The following CCL25 variants were observed in gnomAD, a reference collection of about 807,000 sequenced individuals.
CCL25 encodes the protein C-C motif chemokine 25.
Under a neutral mutation model 19.9 loss-of-function variants are expected in CCL25, and 14 were observed. The observed-to-expected ratio is 0.70, with a 90% confidence interval of 0.47 to 1.10. The LOEUF (loss-of-function observed/expected upper bound fraction) is 1.10, where lower values mean the gene tolerates loss of function less well. Ranked by LOEUF, CCL25 falls within the 50% of genes least tolerant of loss-of-function variation. CCL25 has a pLI of 0.00. For missense variants in CCL25, 151 were observed against 181.2 expected, an observed-to-expected ratio of 0.83 and a Z score of 0.96; for synonymous variants, 68 against 73.2, an observed-to-expected ratio of 0.93 and a Z score of 0.36.
At chr19:8,058,497 A>G (rs1426495276) in intron 5 of CCL25, among the ~76,000 whole-genome samples, 1 of 108,316 alleles carries the variant, frequency 9.2e-6, no homozygotes, top group East Asian at 2.1e-4. Flanking sequence ...TATAATATAT[A>G]TAAGTAAATA....
chr19:8,058,937 C>T (rs1285197395), intron 5 of CCL25, among the ~76,000 whole-genome samples: 2 of 137,406 alleles, frequency 1.5e-5, no homozygotes, highest in East Asian at 2.0e-4. Flanking sequence ...AGATTACAGG[C>T]GTGAGCCACC....
chr19:8,060,109 A>T (rs2081307414), intron 5 of CCL25, among the ~76,000 whole-genome samples: 1 of 151,150 alleles, frequency 6.6e-6, no homozygotes, highest in Admixed American at 6.6e-5. Context: ...AATAAATAAT[A>T]AAAAAATTGA....
At chr19:8,053,256 G>A in intron 2 of CCL25, 134 bp downstream of exon 2, 1 of 538,300 alleles carries the variant, frequency 1.9e-6, no homozygotes, top group East Asian at 3.2e-5. Flanking sequence ...TGACATGCAG[G>A]AACTCCTGGT....
intron 4 of CCL25, among the ~76,000 whole-genome samples, chr19:8,057,392 C>T (rs779557130): frequency 2.6e-5 from 4 of 152,024 alleles, no homozygotes; most frequent in Non-Finnish European, 4.4e-5. Context: ...TGCAGTGGCA[C>T]AATCACATCT....
intron 5 of CCL25, among the ~76,000 whole-genome samples, chr19:8,059,464 G>T (rs550330449): frequency 6.6e-6 from 1 of 151,918 alleles, no homozygotes; most frequent in African/African-American, 2.4e-5. Context: ...CCCCCAAAGT[G>T]CTGGGATTGC....
At position 8,053,138 on chromosome 19, in the gene CCL25, A is replaced by T; in HGVS notation, c.73+16A>T. ...CACACCCAAGGTACTGTGTTCGGCA[A>T]TGCCTACCACCAAGTGCCCCTCTCC... On this transcript the variant is annotated intron_variant, in intron 2 of 5. Coordinates refer to ENST00000315626, the MANE Select transcript of CCL25 (RefSeq NM_005624.4). The T allele has an allele frequency of 6.5e-7, 1 of 1,529,662 alleles. No individual in the cohort carries two copies. Among genetic ancestry groups the T allele is most frequent in the Non-Finnish European group, 8.8e-7 (1 of 1,131,108 alleles). The allele number at this position is 1,529,662 out of a possible 1,614,324, so 94.8% of individuals were successfully genotyped here. A position where few individuals can be genotyped will look rare whatever the true frequency, so the allele number is the denominator to read the frequency against.
At position 8,062,288 on chromosome 19, in the gene CCL25, C is replaced by T. The variant is rs751499704; in HGVS notation, c.*63C>T. The T allele has an allele frequency of 7.0e-5, 112 of 1,588,832 alleles. No homozygotes were observed. Among genetic ancestry groups the T allele is most frequent in the East Asian group, 6.0e-4 (27 of 44,774 alleles). On this transcript the variant is annotated 3_prime_UTR_variant, in exon 6 of 6. Coordinates refer to ENST00000315626, the MANE Select transcript of CCL25 (RefSeq NM_005624.4). ...CCGGATCTTTCTCCGATAAAACCGT[C>T]GCCCTACAGACCCAGCTGTCCCCAC...
Position 8,057,772 on chromosome 19 carries a change from C to T in CCL25, c.326-29C>T, listed in dbSNP as rs770916177. ...GAGCTCAAAGGATGATGGCAGAGCT[C>T]TTGCTTATTTCTCTCTCCATTTCTC... On this transcript the variant is annotated intron_variant, in intron 4 of 5. Transcript: ENST00000315626. 6.3e-6 allele frequency: 10 copies of T among 1,598,510 alleles called. No individual in the cohort carries two copies. The East Asian group carries it at 2.0e-4, about 32-fold the overall frequency.
chr19:8,053,708 C>T (rs1377461547), intron 2 of CCL25, among the ~76,000 whole-genome samples: 2 of 151,834 alleles, frequency 1.3e-5, no homozygotes, highest in East Asian at 1.9e-4. Context: ...GTACCATGCC[C>T]GGCTAATTTT....
At chr19:8,058,624 T>TATATAAATAATATATAATATAAA (rs2081292491) in intron 5 of CCL25, among the ~76,000 whole-genome samples, 1 of 131,558 alleles carries the variant, frequency 7.6e-6, no homozygotes, top group Non-Finnish European at 1.5e-5. Context: ...GTATATATAA[T>TATATAAATAATATATAATATAAA]GTATAAATAA....
chr19:8,057,137 CA>C (rs1434987603), intron 4 of CCL25, among the ~76,000 whole-genome samples: 2 of 142,864 alleles, frequency 1.4e-5, no homozygotes, highest in Admixed American at 1.4e-4. Flanking sequence ...TCTCCCGCCT[CA>C]GCCCCCTAAG....
chr19:8,056,506 A>C lies in CCL25; in HGVS notation c.325+7A>C. 1.9e-6 allele frequency: 3 copies of C among 1,614,026 alleles called. No homozygotes were observed. The highest frequency in any genetic ancestry group is 2.5e-6 in the Non-Finnish European group (3 of 1,179,998). On this transcript the variant is annotated splice_region_variant and intron_variant, in intron 4 of 5. Transcript: ENST00000315626. ...AACACGCAGACCTTCCAAGGTGGGC[A>C]AGACCTCTGCTGGGCATCTAGGGGG...
intron 5 of CCL25, 150 bp from the exon 6 acceptor site, chr19:8,062,068 A>AAT: frequency 5.0e-6 from 3 of 604,082 alleles, no homozygotes; most frequent in Non-Finnish European, 5.6e-6. Context: ...AAAAAAAAAA[A>AAT]GTTAGCATAA....
chr19:8,052,959 TC>T, intron 1 of CCL25, 40 bp from the exon 2 acceptor site: 1 of 798,664 alleles, frequency 1.3e-6, no homozygotes, highest in African/African-American at 1.7e-5. Flanking sequence ...CCCACTCCCC[TC>T]CTCTTCCTCA....
intron 5 of CCL25, 45 bp downstream of exon 5, chr19:8,057,965 G>C: frequency 6.3e-7 from 1 of 1,594,240 alleles, no homozygotes; most frequent in Non-Finnish European, 8.6e-7. Context: ...CATCACCTTT[G>C]CTGAGGGTTG....
At chr19:8,059,157 T>TAA (rs2145295781) in intron 5 of CCL25, among the ~76,000 whole-genome samples, 2 of 38,004 alleles carry the variant, frequency 5.3e-5, no homozygotes, top group South Asian at 1.1e-3. Flanking sequence ...ATATAATATA[T>TAA]ATAATATATA....
intron 2 of CCL25, among the ~76,000 whole-genome samples, chr19:8,053,791 C>T (rs1312549569): frequency 1.3e-5 from 2 of 151,926 alleles, no homozygotes; most frequent in Non-Finnish European, 1.5e-5. Flanking sequence ...TCAGGCGATC[C>T]GCCTGCCTCA....
chr19:8,062,102 C>A, intron 5 of CCL25, 116 bp from the exon 6 acceptor site: 2 of 876,066 alleles, frequency 2.3e-6, no homozygotes, highest in Non-Finnish European at 3.7e-6. Context: ...TCCTATTACT[C>A]AGAAATTCAC....
At chr19:8,058,914 T>C (rs2145294009) in intron 5 of CCL25, among the ~76,000 whole-genome samples, 1 of 139,600 alleles carries the variant, frequency 7.2e-6, no homozygotes, top group South Asian at 2.1e-4. Context: ...CGCCTTGGCC[T>C]CCCAAAGTGC....
Sources: gnomAD v4.1 joint callset for allele counts (sites outside exome capture counted in the v4.1 genomes callset) on GRCh38, gnomAD v4.1.1 for gene constraint, MANE v1.5 for transcripts, NCBI Gene and HGNC (gene_info 2026-07-23, HGNC 2026-07-21) for gene names.